CHCHD6: variants seen among roughly 807,000 people sequenced by gnomAD.
CHCHD6 encodes MICOS complex subunit MIC25.
CHCHD6 carries 28 observed loss-of-function variants against 32.3 expected under a neutral mutation model. That is an observed-to-expected ratio of 0.87 (90% CI 0.64 to 1.19). CHCHD6 has a LOEUF of 1.19. Among genes scored for constraint, CHCHD6 ranks in the 50% most tolerant of loss-of-function variants. The pLI, the probability that CHCHD6 is intolerant of heterozygous loss-of-function variation, is 0.00. For synonymous variants in CHCHD6, 122 were observed against 117.5 expected (o/e 1.04, Z -0.25); for missense variants, 333 against 307.0 (o/e 1.08, Z -0.63).
At chr3:126,926,895 C>T (rs980271620) in intron 6 of CHCHD6, among the ~76,000 whole-genome samples, 3 of 152,158 alleles carry the variant, frequency 2.0e-5, no homozygotes, top group East Asian at 1.9e-4. Flanking sequence ...TCCACTCCCA[C>T]GCCGGCACTG....
intron 4 of CHCHD6, among the ~76,000 whole-genome samples, chr3:126,759,779 A>G (rs1937095555): frequency 6.6e-6 from 1 of 152,162 alleles, no homozygotes; most frequent in African/African-American, 2.4e-5. Flanking sequence ...ACATTTTGCT[A>G]TGGTAAAGGT....
At chr3:126,752,663 TGGGGGACA>T (rs1038183668) in intron 4 of CHCHD6, among the ~76,000 whole-genome samples, 1 of 152,170 alleles carries the variant, frequency 6.6e-6, no homozygotes, top group African/African-American at 2.4e-5. Flanking sequence ...GTGGCTGCCC[TGGGGGACA>T]GGTTGACCAG....
chr3:126,704,618 GA>G (rs1191954344), intron 1 of CHCHD6, among the ~76,000 whole-genome samples: 1 of 152,188 alleles, frequency 6.6e-6, no homozygotes, highest in Non-Finnish European at 1.5e-5. Context: ...GAGGAGTGAA[GA>G]ACTGTACAGG....
In CHCHD6 at chr3:126,733,130, A is replaced by G; in HGVS notation, c.319A>G (p.Arg107Gly). 6.2e-7 allele frequency: 1 copy of G among 1,614,134 alleles called. No homozygotes were observed. The highest frequency in any genetic ancestry group is 8.5e-7 in the Non-Finnish European group (1 of 1,179,986). ...IQDKLFQVAK[R>G]EREAATKHSK... is the part of the protein sequence containing the mutation. Reference sequence around the variant, plus strand: ...GGATAAGCTCTTCCAGGTGGCAAAGAGGGAAAGAGAGGCTGCCACCAAGCA... The same window carrying G: ...GGATAAGCTCTTCCAGGTGGCAAAGGGGGAAAGAGAGGCTGCCACCAAGCA... Residue 107 changes from arginine (R) to glycine (G), a missense_variant, in exon 4 of 8, where the codon AGG (arginine) becomes GGG (glycine). Coordinates refer to ENST00000290913, the MANE Select transcript of CHCHD6 (RefSeq NM_032343.3).
chr3:126,746,388 G>GC (rs1485047447), intron 4 of CHCHD6, among the ~76,000 whole-genome samples: 13 of 152,178 alleles, frequency 8.5e-5, no homozygotes, highest in Non-Finnish European at 1.6e-4. Context: ...AACACATACA[G>GC]CCTCTGGTGT....
intron 5 of CHCHD6, among the ~76,000 whole-genome samples, chr3:126,905,874 T>G (rs1328521573): frequency 6.6e-6 from 1 of 152,058 alleles, no homozygotes; most frequent in East Asian, 1.9e-4. Flanking sequence ...GCTAGTGGTG[T>G]TCACTACTTC....
chr3:126,897,343 T>C (rs2107581032), intron 5 of CHCHD6, among the ~76,000 whole-genome samples: 1 of 152,300 alleles, frequency 6.6e-6, no homozygotes, highest in African/African-American at 2.4e-5. Context: ...CTCTGAAAGA[T>C]TTTTCTTCTT....
At chr3:126,844,523 A>G (rs982565736) in intron 4 of CHCHD6, among the ~76,000 whole-genome samples, 3 of 152,166 alleles carry the variant, frequency 2.0e-5, no homozygotes, top group Non-Finnish European at 2.9e-5. Flanking sequence ...TAATATAGCT[A>G]CACCAGCTTT....
intron 1 of CHCHD6, among the ~76,000 whole-genome samples, chr3:126,720,505 G>A (rs1935231582): frequency 6.6e-6 from 1 of 152,154 alleles, no homozygotes; most frequent in Non-Finnish European, 1.5e-5. Flanking sequence ...CAAAGGGCCT[G>A]GTTTGTAGCA....
At chr3:126,725,544 A>G (rs1386217479) in intron 1 of CHCHD6, among the ~76,000 whole-genome samples, 1 of 152,264 alleles carries the variant, frequency 6.6e-6, no homozygotes, top group East Asian at 1.9e-4. Context: ...ATTAAAAGTC[A>G]CCAACTGCAT....
intron 4 of CHCHD6, among the ~76,000 whole-genome samples, chr3:126,801,741 G>T (rs1939081245): frequency 6.6e-6 from 1 of 152,232 alleles, no homozygotes; most frequent in Admixed American, 6.5e-5. Context: ...GGAGATCTGA[G>T]AACGGGCAGA....
intron 5 of CHCHD6, among the ~76,000 whole-genome samples, chr3:126,881,741 A>G (rs900087984): frequency 2.6e-5 from 4 of 152,170 alleles, no homozygotes; most frequent in African/African-American, 7.2e-5. Context: ...TTTGCACTTA[A>G]TGACTATTGA....
intron 5 of CHCHD6, among the ~76,000 whole-genome samples, chr3:126,906,774 G>T (rs1428508789): frequency 6.6e-6 from 1 of 152,110 alleles, no homozygotes; most frequent in Non-Finnish European, 1.5e-5. Flanking sequence ...ACCTCTCTTG[G>T]TTCCTGCTGT....
intron 6 of CHCHD6, among the ~76,000 whole-genome samples, chr3:126,918,578 T>C (rs1273593527): frequency 1.3e-5 from 2 of 152,232 alleles, no homozygotes; most frequent in African/African-American, 4.8e-5. Context: ...AGAAAGACTA[T>C]GTCACATGGT....
chr3:126,950,689 G>C (rs1304353450), intron 6 of CHCHD6, among the ~76,000 whole-genome samples: 1 of 152,126 alleles, frequency 6.6e-6, no homozygotes, highest in Non-Finnish European at 1.5e-5. Context: ...GACCTCAAGT[G>C]ATCGCCTGCA....
chr3:126,871,972 C>T (rs2077479019), intron 5 of CHCHD6, among the ~76,000 whole-genome samples: 1 of 152,100 alleles, frequency 6.6e-6, no homozygotes, highest in Admixed American at 6.5e-5. Flanking sequence ...GACTCCTCTT[C>T]CCCTTTTAAA....
chr3:126,862,729 A>C (rs1474568386), intron 5 of CHCHD6, among the ~76,000 whole-genome samples: 5 of 40,426 alleles, frequency 1.2e-4, no homozygotes, highest in Non-Finnish European at 1.8e-4. Context: ...TACCATCACC[A>C]CCTCCTCCTC....
chr3:126,793,102 A>G (rs1938628616), intron 4 of CHCHD6, among the ~76,000 whole-genome samples: 1 of 151,952 alleles, frequency 6.6e-6, no homozygotes, highest in African/African-American at 2.4e-5. Context: ...TCTTTTTCAT[A>G]CTTTATTCTA....
intron 4 of CHCHD6, among the ~76,000 whole-genome samples, chr3:126,788,562 A>G (rs375852442): frequency 5.3e-5 from 8 of 152,176 alleles, no homozygotes; most frequent in African/African-American, 1.7e-4. Flanking sequence ...GGGAGGGCCT[A>G]TGTGTCCAGG....
Sources: allele counts gnomAD v4.1 joint callset (sites outside exome capture counted in the v4.1 genomes callset), GRCh38; gene constraint gnomAD v4.1.1; transcripts MANE v1.5; gene names NCBI Gene and HGNC (gene_info 2026-07-23, HGNC 2026-07-21).